The following CLIC5 variants were observed in gnomAD, a reference collection of about 807,000 sequenced individuals.
CLIC5 encodes the protein CLIC family member 5.
Under a neutral mutation model 24.7 loss-of-function variants are expected in CLIC5, and 20 were observed. That is an observed-to-expected ratio of 0.81 (90% CI 0.57 to 1.18). CLIC5 has a LOEUF of 1.18. CLIC5 is among the 50% of genes most tolerant of loss of function. The probability of loss-of-function intolerance (pLI) is 0.00; values close to 1 mark genes in which losing one functional copy is unlikely to be tolerated. For synonymous variants in CLIC5, 159 were observed against 135.6 expected, an observed-to-expected ratio of 1.17 and a Z score of -1.20; for missense variants, 341 against 326.1, an observed-to-expected ratio of 1.05 and a Z score of -0.35.
At chr6:45,883,068 G>A (rs549280267) in intron 6 of CLIC5, among the ~76,000 whole-genome samples, 6 of 152,304 alleles carry the variant, frequency 3.9e-5, no homozygotes, top group African/African-American at 1.2e-4. Context: ...GTGGGCAGGC[G>A]GCCCCATTAC....
chr6:45,913,679 G>T (rs1469807566), intron 5 of CLIC5: 11 of 743,592 alleles, frequency 1.5e-5, no homozygotes, highest in Admixed American at 8.7e-5. Context: ...ACTACATGCT[G>T]CAAATGGTTA....
intron 1 of CLIC5, among the ~76,000 whole-genome samples, chr6:46,008,601 C>T (rs577515066): frequency 1.3e-5 from 2 of 152,266 alleles, no homozygotes; most frequent in East Asian, 3.9e-4. Flanking sequence ...GCTCTGTAAG[C>T]ATTTTCATAT....
chr6:46,000,744 C>A (rs1377427312), intron 1 of CLIC5, among the ~76,000 whole-genome samples: 1 of 152,166 alleles, frequency 6.6e-6, no homozygotes, highest in Admixed American at 6.5e-5. Context: ...GACTCACTCA[C>A]TATCACGAGA....
chr6:45,948,981 C>G (rs1764377442), intron 3 of CLIC5, among the ~76,000 whole-genome samples: 1 of 152,052 alleles, frequency 6.6e-6, no homozygotes, highest in Non-Finnish European at 1.5e-5. Flanking sequence ...GCGAGGGAGG[C>G]CTGGTATCCT....
At chr6:46,124,476 G>A in the CLIC5 span, among the ~76,000 whole-genome samples, 1 of 152,190 alleles carries the variant, frequency 6.6e-6, no homozygotes, top group Non-Finnish European at 1.5e-5. Flanking sequence ...TGAAACCCTA[G>A]ATGAAAACCT....
chr6:45,962,327 G>A (rs1206248740), intron 1 of CLIC5, among the ~76,000 whole-genome samples: 5 of 151,710 alleles, frequency 3.3e-5, no homozygotes, highest in African/African-American at 9.7e-5. Context: ...CTGAAGCCCC[G>A]GGGAAGAGCC....
Position 45,888,740 on chromosome 6 carries a change from T to C in CLIC5, c.624-7552A>G, listed in dbSNP as rs185239883. Among the ~76,000 whole-genome samples, 187 of 152,330 alleles carry C rather than the reference T, an allele frequency of 1.2e-3. 3 individuals carry two copies. The highest frequency in any genetic ancestry group is 4.4e-3 in the African/African-American group (182 of 41,574). On this transcript the variant is annotated intron_variant, in intron 6 of 6. Transcript: ENST00000644324. Reference sequence around the variant, plus strand: ...AGAGAACTTCCCACTTTGTTCCCTTTCTGTAAGTTCCCATCCTTCCCAGCA... The same window carrying C: ...AGAGAACTTCCCACTTTGTTCCCTTCCTGTAAGTTCCCATCCTTCCCAGCA...
At chr6:46,121,132 A>C in the CLIC5 span, among the ~76,000 whole-genome samples, 2 of 151,956 alleles carry the variant, frequency 1.3e-5, no homozygotes, top group Non-Finnish European at 2.9e-5. Context: ...ATCATTGTCA[A>C]ATTCACCAAA....
chr6:45,994,519 G>C (rs1766056738), intron 1 of CLIC5, among the ~76,000 whole-genome samples: 1 of 152,118 alleles, frequency 6.6e-6, no homozygotes, highest in Non-Finnish European at 1.5e-5. Context: ...AGGGAATTCA[G>C]AGGATGGGTC....
At chr6:45,888,586 TC>T (rs1217363001) in intron 6 of CLIC5, among the ~76,000 whole-genome samples, 1 of 152,194 alleles carries the variant, frequency 6.6e-6, no homozygotes, top group Non-Finnish European at 1.5e-5. Context: ...TTGAAAATGA[TC>T]CCTCGTGAAT....
chr6:46,022,357 C>T (rs147480790), intron 1 of CLIC5, among the ~76,000 whole-genome samples: 2,560 of 152,284 alleles, frequency 0.017, 32 homozygotes, highest in Middle Eastern at 0.051. Flanking sequence ...CCCAGAGTAG[C>T]AGCTATTTCC....
Position 45,955,187 on chromosome 6 carries a change from T to G in CLIC5, c.121A>C (p.Ile41Leu). Residue 41 changes from isoleucine to leucine, a missense_variant, in exon 2 of 6, where the codon ATC becomes CTC. Transcript: ENST00000339561. ...AACACGACTCCTTTCAGCCAGAGGA[T>G]CATGAAGAGGCGCTGAGAGAAAGGA... ...NCPFSQRLFM[I>L]LWLKGVVFNV... 6.2e-7 allele frequency: 1 copy of G among 1,614,076 alleles called. No individual in the cohort carries two copies. Among genetic ancestry groups the G allele is most frequent in the Admixed American group, 1.7e-5 (1 of 60,020 alleles).
At chr6:46,102,285 A>G in the CLIC5 span, among the ~76,000 whole-genome samples, 1 of 152,226 alleles carries the variant, frequency 6.6e-6, no homozygotes, top group Admixed American at 6.5e-5. Context: ...ATGCTAATAG[A>G]TGGAGTTGGG....
downstream of CLIC5, among the ~76,000 whole-genome samples, chr6:45,895,578 G>A (rs956375380): frequency 1.3e-5 from 2 of 152,158 alleles, no homozygotes; most frequent in Admixed American, 6.6e-5. Flanking sequence ...TGAGATCCAA[G>A]GTGAACCCAG....
At chr6:45,963,697 A>C (rs1764926013) in intron 1 of CLIC5, among the ~76,000 whole-genome samples, 1 of 152,100 alleles carries the variant, frequency 6.6e-6, no homozygotes, top group South Asian at 2.1e-4. Context: ...AAAGAAAACA[A>C]GGGAAAATGT....
chr6:45,925,170 G>A (rs147974285), intron 4 of CLIC5, among the ~76,000 whole-genome samples: 2,273 of 152,284 alleles, frequency 0.015, 30 homozygotes, highest in Middle Eastern at 0.058. Context: ...AACAGGGCAT[G>A]GTTCATAGTA....
In CLIC5 at chr6:46,079,882, C is replaced by T. The variant is rs189893797; in HGVS notation, c.361G>A (p.Ala121Thr). The T allele has an allele frequency of 3.2e-4, 489 of 1,552,066 alleles. 1 individual carries two copies. In the African/African-American group the frequency reaches 3.5e-3, roughly 11 times the overall value. The change falls in exon 1 of 6, where the codon GCA (alanine) becomes ACA (threonine). Residue 121 changes from alanine to threonine, a missense_variant. Coordinates refer to the CLIC5 transcript ENST00000185206. The stretch of plus-strand genomic sequence containing the variant: ...CTCCCATTCTCCTGGAGTTCTGCTG[C>T]GCAGAGTTGCTGGTCCTGGGTTGAT...
chr6:45,960,359 ACCC>A (rs1003771343), intron 1 of CLIC5, among the ~76,000 whole-genome samples: 3 of 152,180 alleles, frequency 2.0e-5, no homozygotes, highest in Non-Finnish European at 4.4e-5. Context: ...GCTCCAATGC[ACCC>A]TTGAATATAT....
chr6:45,909,174 G>A (rs762780935), intron 5 of CLIC5, among the ~76,000 whole-genome samples: 11 of 151,832 alleles, frequency 7.2e-5, no homozygotes, highest in Non-Finnish European at 1.5e-4. Flanking sequence ...TATGGGTGTT[G>A]TTACATATGA....
Sources: gnomAD v4.1 joint callset for allele counts (sites outside exome capture counted in the v4.1 genomes callset) on GRCh38, gnomAD v4.1.1 for gene constraint, MANE v1.5 for transcripts, NCBI Gene and HGNC (gene_info 2026-07-23, HGNC 2026-07-21) for gene names.